CPNE4: variants seen among roughly 807,000 people sequenced by gnomAD.
CPNE4 encodes the protein copine 4.
CPNE4 carries 25 observed loss-of-function variants against 67.9 expected under a neutral mutation model. That is an observed-to-expected ratio of 0.37 (90% CI 0.27 to 0.51). The LOEUF (loss-of-function observed/expected upper bound fraction) is 0.51, where lower values mean the gene tolerates loss of function less well. Among genes scored for constraint, CPNE4 ranks in the 20% least tolerant of loss-of-function variants. CPNE4 has a pLI of 0.93. For missense variants in CPNE4, 464 were observed against 690.8 expected (o/e 0.67, Z 3.68); for synonymous variants, 242 against 244.9 (o/e 0.99, Z 0.11).
At chr3:131,758,818 G>A (rs1395803050) in intron 2 of CPNE4, among the ~76,000 whole-genome samples, 1 of 152,094 alleles carries the variant, frequency 6.6e-6, no homozygotes, top group Non-Finnish European at 1.5e-5. Flanking sequence ...TAAGTATCAA[G>A]AGATCTGATT....
At chr3:131,671,030 C>T (rs1156708819) in intron 6 of CPNE4, among the ~76,000 whole-genome samples, 9 of 152,152 alleles carry the variant, frequency 5.9e-5, no homozygotes, top group African/African-American at 1.4e-4. Flanking sequence ...TCGGGTGATC[C>T]ACCCACCTCG....
intron 6 of CPNE4, among the ~76,000 whole-genome samples, chr3:131,675,824 G>T (rs886406669): frequency 6.6e-6 from 1 of 151,616 alleles, no homozygotes; most frequent in Non-Finnish European, 1.5e-5. Context: ...TAGGTAAGGG[G>T]TTACTCCTGC....
At chr3:131,950,451 C>T (rs2071689055) in intron 1 of CPNE4, among the ~76,000 whole-genome samples, 1 of 152,088 alleles carries the variant, frequency 6.6e-6, no homozygotes, top group Non-Finnish European at 1.5e-5. Flanking sequence ...AAGTCAAACA[C>T]AGATAGGAAG....
intron 7 of CPNE4, chr3:131,620,351 A>T: frequency 2.1e-6 from 1 of 474,526 alleles, no homozygotes; most frequent in Non-Finnish European, 2.8e-6. Flanking sequence ...TTAAGTGTTT[A>T]AAGGTTTTAA....
chr3:131,898,723 C>A (rs2088433254), intron 2 of CPNE4, among the ~76,000 whole-genome samples: 1 of 151,974 alleles, frequency 6.6e-6, no homozygotes, highest in Admixed American at 6.6e-5. Flanking sequence ...GGCACATGAC[C>A]CCAGGCAACA....
chr3:131,896,205 A>T (rs2088326080), intron 2 of CPNE4, among the ~76,000 whole-genome samples: 1 of 152,070 alleles, frequency 6.6e-6, no homozygotes, highest in South Asian at 2.1e-4. Context: ...AATATTATAC[A>T]ATCATTTAAA....
intron 7 of CPNE4, among the ~76,000 whole-genome samples, chr3:131,625,371 G>A (rs1469190483): frequency 2.0e-5 from 3 of 152,100 alleles, no homozygotes; most frequent in African/African-American, 7.2e-5. Flanking sequence ...TTGATTGAAG[G>A]AAGCACCATT....
At chr3:131,641,432 C>T (rs1483973033) in intron 7 of CPNE4, among the ~76,000 whole-genome samples, 1 of 152,060 alleles carries the variant, frequency 6.6e-6, no homozygotes, top group Non-Finnish European at 1.5e-5. Context: ...CACTAAGTAT[C>T]AGGGAAATGC....
chr3:131,535,520 AT>A (rs913883199), intron 15 of CPNE4, among the ~76,000 whole-genome samples, 191 bp from the exon 16 acceptor site: 1 of 152,248 alleles, frequency 6.6e-6, no homozygotes, highest in African/African-American at 2.4e-5. Context: ...ATTATTATAT[AT>A]TTTTATGCCT....
chr3:131,886,425 G>A (rs894343951), intron 2 of CPNE4, among the ~76,000 whole-genome samples: 10 of 152,228 alleles, frequency 6.6e-5, no homozygotes, highest in African/African-American at 2.4e-4. Flanking sequence ...GGCTATCATG[G>A]GGAACCTTTG....
intron 1 of CPNE4, among the ~76,000 whole-genome samples, chr3:131,936,174 C>T (rs1317335434): frequency 4.6e-5 from 7 of 151,780 alleles, no homozygotes; most frequent in South Asian, 2.1e-4. Context: ...GACTAGAAGA[C>T]GAATTTAAGC....
At chr3:131,799,909 TGTGTGTGTGTTGTGTG>T (rs2107906310) in intron 2 of CPNE4, among the ~76,000 whole-genome samples, 2 of 84,236 alleles carry the variant, frequency 2.4e-5, no homozygotes, top group African/African-American at 9.7e-5. Flanking sequence ...GGTGCGTGTG[TGTGTGTGTGTTGTGTG>T]TGTGTGTGTG....
At chr3:131,737,653 C>A (rs923176671) in intron 2 of CPNE4, among the ~76,000 whole-genome samples, 1 of 152,144 alleles carries the variant, frequency 6.6e-6, no homozygotes, top group African/African-American at 2.4e-5. Context: ...GGACTTCAAG[C>A]GTTTATCATG....
At chr3:131,710,687 T>A (rs7649433) in intron 3 of CPNE4, among the ~76,000 whole-genome samples, 2,163 of 152,282 alleles carry the variant, frequency 0.014, 49 homozygotes, top group African/African-American at 0.049. Flanking sequence ...GGGCTTCACA[T>A]AACATAATAT....
intron 2 of CPNE4, among the ~76,000 whole-genome samples, chr3:131,766,637 A>G (rs1193020256): frequency 6.6e-6 from 1 of 152,180 alleles, no homozygotes; most frequent in East Asian, 1.9e-4. Flanking sequence ...GCCAAAGTAG[A>G]ATGTCCAATA....
At chr3:131,607,361 C>T (rs1939569706) in intron 7 of CPNE4, among the ~76,000 whole-genome samples, 1 of 152,084 alleles carries the variant, frequency 6.6e-6, no homozygotes. Context: ...ATTGGACAGA[C>T]CAATAGATTT....
At chr3:131,680,923 T>G (rs533148037) in intron 6 of CPNE4, among the ~76,000 whole-genome samples, 1 of 152,322 alleles carries the variant, frequency 6.6e-6, no homozygotes, top group South Asian at 2.1e-4. Flanking sequence ...TAATATTTGG[T>G]TTTCCATTCC....
At chr3:131,603,673 T>C (rs934522528) in intron 7 of CPNE4, among the ~76,000 whole-genome samples, 4 of 152,178 alleles carry the variant, frequency 2.6e-5, no homozygotes, top group Admixed American at 6.5e-5. Flanking sequence ...GTATCTGCCA[T>C]ATGTGCTGTG....
intron 2 of CPNE4, among the ~76,000 whole-genome samples, chr3:131,779,933 A>G (rs1054937699): frequency 6.6e-6 from 1 of 152,172 alleles, no homozygotes; most frequent in African/African-American, 2.4e-5. Flanking sequence ...TTTGCAAACT[A>G]TGTATCTGAC....
Sources: gnomAD v4.1 joint callset for allele counts (sites outside exome capture counted in the v4.1 genomes callset) on GRCh38, gnomAD v4.1.1 for gene constraint, MANE v1.5 for transcripts, NCBI Gene and HGNC (gene_info 2026-07-23, HGNC 2026-07-21) for gene names.